The following ANKRD30A variants were observed in gnomAD, a reference collection of about 807,000 sequenced individuals.
The protein encoded by ANKRD30A is ankyrin repeat domain 30A, also known as ankyrin repeat domain-containing protein 30A.
In ANKRD30A, 170 loss-of-function variants were observed where a neutral mutation model predicts 166.3. The ratio of observed to expected loss-of-function variants is 1.02; its 90% CI spans 0.90 to 1.16. The LOEUF (loss-of-function observed/expected upper bound fraction) is 1.16, where lower values mean the gene tolerates loss of function less well. ANKRD30A is among the 50% of genes most tolerant of loss of function. ANKRD30A has a pLI of 0.00. For synonymous variants in ANKRD30A, 564 were observed against 508.9 expected (o/e 1.11, Z -1.46); for missense variants, 1,630 against 1,518.0 (o/e 1.07, Z -1.23).
chr10:37,193,008 C>T lies in ANKRD30A; in HGVS notation c.2513-56C>T, dbSNP rs568678088. On this transcript the variant is annotated intron_variant, in intron 25 of 35. Transcript: ENST00000361713. The stretch of plus-strand genomic sequence containing the variant: ...TTCATGTTGACAGTGCGTGAATGTT[C>T]GGTAGGCTTTGTCAAGCTTGCATAC... 497 of 1,572,582 alleles carry T rather than the reference C, an allele frequency of 3.2e-4. 1 individual carries two copies. The East Asian group carries it at 3.8e-3, about 12-fold the overall frequency.
the ANKRD30A span, among the ~76,000 whole-genome samples, chr10:37,252,149 C>G: frequency 1.3e-5 from 2 of 152,076 alleles, no homozygotes; most frequent in South Asian, 4.1e-4. Flanking sequence ...AGGAAGTTTT[C>G]AGATTGTTCT....
At chr10:37,238,688 A>C in the ANKRD30A span, among the ~76,000 whole-genome samples, 1 of 152,208 alleles carries the variant, frequency 6.6e-6, no homozygotes, top group African/African-American at 2.4e-5. Context: ...TAGGAATTAA[A>C]TATTTAGAAC....
chr10:37,237,508 G>A (rs961415207), downstream of ANKRD30A, among the ~76,000 whole-genome samples: 1 of 152,012 alleles, frequency 6.6e-6, no homozygotes, highest in Non-Finnish European at 1.5e-5. Flanking sequence ...ATGGGACATC[G>A]TTTAAAAACT....
the ANKRD30A span, among the ~76,000 whole-genome samples, chr10:37,252,780 G>T: frequency 6.6e-6 from 1 of 151,724 alleles, no homozygotes; most frequent in Non-Finnish European, 1.5e-5. Context: ...GTTTCAAATA[G>T]TTGTTAAAGT....
intron 25 of ANKRD30A, among the ~76,000 whole-genome samples, chr10:37,191,858 G>C (rs1396947642): frequency 6.6e-6 from 1 of 151,954 alleles, no homozygotes; most frequent in Non-Finnish European, 1.5e-5. Context: ...AGCCGGGCGT[G>C]GTGGTGGGTG....
chr10:37,261,072 G>A, the ANKRD30A span, among the ~76,000 whole-genome samples: 5 of 152,062 alleles, frequency 3.3e-5, no homozygotes, highest in African/African-American at 4.8e-5. Context: ...AGAATAAAAG[G>A]TGGTTGGCTC....
At chr10:37,251,660 A>G in the ANKRD30A span, among the ~76,000 whole-genome samples, 1 of 152,220 alleles carries the variant, frequency 6.6e-6, no homozygotes, top group Admixed American at 6.5e-5. Context: ...AGCCTCAAGC[A>G]TAAATCAGCA....
At chr10:37,130,507 T>A in intron 3 of ANKRD30A, 129 bp downstream of exon 3, 1 of 658,782 alleles carries the variant, frequency 1.5e-6, no homozygotes, top group Non-Finnish European at 2.2e-6. Flanking sequence ...AGAACTTAAT[T>A]GTCTAAGATT....
At chr10:37,157,196 C>T (rs1838451556) in intron 13 of ANKRD30A, among the ~76,000 whole-genome samples, 1 of 152,112 alleles carries the variant, frequency 6.6e-6, no homozygotes, top group Non-Finnish European at 1.5e-5. Context: ...TTATTCATAA[C>T]AATAGTTTAA....
intron 1 of ANKRD30A, among the ~76,000 whole-genome samples, chr10:37,129,215 A>G (rs1296131340): frequency 1.3e-5 from 2 of 152,132 alleles, no homozygotes; most frequent in African/African-American, 2.4e-5. Context: ...GGCACTGTGA[A>G]TTGTGTGATG....
At chr10:37,251,461 T>C in the ANKRD30A span, among the ~76,000 whole-genome samples, 2 of 152,318 alleles carry the variant, frequency 1.3e-5, 1 homozygote, top group South Asian at 4.1e-4. Flanking sequence ...ACCTTCAGGC[T>C]TATTTCCTTT....
At chr10:37,190,717 G>A (rs566403955) in intron 25 of ANKRD30A, among the ~76,000 whole-genome samples, 1 of 151,924 alleles carries the variant, frequency 6.6e-6, no homozygotes, top group East Asian at 1.9e-4. Flanking sequence ...GAGTGCTAGA[G>A]TGTGGGTGCT....
chr10:37,158,325 G>C (rs1262756739), intron 13 of ANKRD30A, 67 bp from the exon 14 acceptor site: 1 of 1,548,836 alleles, frequency 6.5e-7, no homozygotes, highest in Non-Finnish European at 8.9e-7. Context: ...TGTTCACACT[G>C]TGTGAATGTT....
chr10:37,219,651 T>C lies in ANKRD30A; in HGVS notation c.3939T>C (p.Thr1313=). The stretch of plus-strand genomic sequence containing the variant: ...AACAAGATAATGTGAACAAACACAC[T>C]GAACAGCAGGAGTCTCTAGATCAGA... ...QNEQDNVNKH[T]EQQESLDQKL... The change falls in exon 34 of 36, where the codon ACT becomes ACC. Residue 1313 remains threonine (T), a synonymous_variant. Coordinates refer to ENST00000361713, the MANE Select transcript of ANKRD30A (RefSeq NM_052997.3). The C allele has an allele frequency of 3.1e-6, 5 of 1,596,080 alleles. No homozygotes were observed. Among genetic ancestry groups the C allele is most frequent in the Non-Finnish European group, 4.3e-6 (5 of 1,165,286 alleles).
chr10:37,239,003 TATC>T, the ANKRD30A span, among the ~76,000 whole-genome samples: 1 of 152,144 alleles, frequency 6.6e-6, no homozygotes, highest in Non-Finnish European at 1.5e-5. Flanking sequence ...AGTATCATAT[TATC>T]ATTGGTAATA....
the ANKRD30A span, among the ~76,000 whole-genome samples, chr10:37,256,652 A>G: frequency 6.6e-6 from 1 of 152,236 alleles, no homozygotes. Flanking sequence ...ACTCAAAGAG[A>G]TAGACTAATC....
In ANKRD30A at chr10:37,158,437, T is replaced by G; in HGVS notation, c.1827+17T>G. 1 of 1,612,084 alleles carries G rather than the reference T, an allele frequency of 6.2e-7. No individual in the cohort carries two copies. Among genetic ancestry groups the G allele is most frequent in the Non-Finnish European group, 8.5e-7 (1 of 1,178,640 alleles). ...CTTCTGAAGGTAATAACTTTTATAT[T>G]TTTGTCTTGAGTATCAACTACATAT... is the stretch of plus-strand genomic sequence containing the variant. On this transcript the variant is annotated intron_variant, in intron 14 of 35. Transcript: ENST00000361713.
chr10:37,198,766 A>G (rs1278682570), intron 29 of ANKRD30A, among the ~76,000 whole-genome samples: 7 of 152,120 alleles, frequency 4.6e-5, no homozygotes, highest in African/African-American at 1.4e-4. Flanking sequence ...AAAATCAGGT[A>G]TACAATTGAT....
intron 18 of ANKRD30A, 116 bp downstream of exon 18, chr10:37,165,271 G>C: frequency 9.8e-7 from 1 of 1,021,328 alleles, no homozygotes. Flanking sequence ...AATTATTTTT[G>C]ATGTTTTTCA....
Sources: allele counts gnomAD v4.1 joint callset (sites outside exome capture counted in the v4.1 genomes callset), GRCh38; gene constraint gnomAD v4.1.1; transcripts MANE v1.5; gene names NCBI Gene and HGNC (gene_info 2026-07-23, HGNC 2026-07-21).